Variants in ECPAS observed in about 807,000 individuals in gnomAD.
ECPAS encodes proteasome adapter and scaffold protein ECM29.
Under a neutral mutation model 255.1 loss-of-function variants are expected in ECPAS, and 70 were observed. That is an observed-to-expected ratio of 0.27 (90% CI 0.23 to 0.33). The LOEUF (loss-of-function observed/expected upper bound fraction) is 0.33. Ranked by LOEUF, ECPAS falls within the 10% of genes least tolerant of loss-of-function variation. The pLI, the probability that ECPAS is intolerant of heterozygous loss-of-function variation, is 1.00. For missense variants in ECPAS, 1,817 were observed against 2,206.4 expected (o/e 0.82, Z 3.54); for synonymous variants, 784 against 775.0 (o/e 1.01, Z -0.19).
At chr9:111,412,678 C>T (rs2098196538) in intron 20 of ECPAS, among the ~76,000 whole-genome samples, 1 of 152,036 alleles carries the variant, frequency 6.6e-6, no homozygotes, top group Non-Finnish European at 1.5e-5. Flanking sequence ...AGCATGACAA[C>T]CTCTCATCTA....
chr9:111,386,534 T>A (rs1220774390), intron 31 of ECPAS, 78 bp from the exon 32 acceptor site: 1 of 720,926 alleles, frequency 1.4e-6, no homozygotes, highest in Non-Finnish European at 2.4e-6. Flanking sequence ...ACCACACTGG[T>A]TAACCACACT....
At chr9:111,424,815 T>C (rs575627854) in intron 12 of ECPAS, among the ~76,000 whole-genome samples, 1 of 152,352 alleles carries the variant, frequency 6.6e-6, no homozygotes, top group African/African-American at 2.4e-5. Flanking sequence ...ATTCCTTTAA[T>C]TCCATTTTTG....
intron 13 of ECPAS, 57 bp from the exon 14 acceptor site, chr9:111,422,257 G>T: frequency 1.3e-6 from 2 of 1,550,808 alleles, no homozygotes; most frequent in Non-Finnish European, 1.8e-6. Context: ...GATGAAAAAG[G>T]GAAAAAATGA....
In ECPAS at chr9:111,430,570, C is replaced by G; in HGVS notation, c.907G>C (p.Asp303His). The change falls in exon 9 of 50, where the codon GAT becomes CAT. Residue 303 changes from aspartate (D) to histidine (H), a missense_variant. Asp to His is a moderately conservative substitution (Grantham distance 81). Transcript: ENST00000684092. ...INKMYKVYLG[D>H]IPLKTKEGAV... ...ACCTCTTTTGTCTTCAGTGGTATAT[C>G]TCCAAGGTACACCTTGTACATCTTA... 1 of 1,598,568 alleles carries G rather than the reference C, an allele frequency of 6.3e-7. No individual in the cohort carries two copies. The highest frequency in any genetic ancestry group is 8.5e-7 in the Non-Finnish European group (1 of 1,170,586).
chr9:111,445,949 T>C (rs1003629299), intron 3 of ECPAS, among the ~76,000 whole-genome samples: 2 of 152,174 alleles, frequency 1.3e-5, no homozygotes, highest in African/African-American at 2.4e-5. Flanking sequence ...GTCTTTGTGA[T>C]AGTTTGCTTA....
Position 111,417,956 on chromosome 9 carries a change from C to T in ECPAS, c.1610G>A (p.Gly537Asp), listed in dbSNP as rs1435759116. The part of the protein sequence containing the change: ...EAQRVLRCLP[G>D]RNRKESTSEQ... ...AGAAGTACTTTCTTTTCTGTTTCTA[C>T]CTGGAAGACACCTTAATACGCGTTG... Residue 537 changes from glycine to aspartate, a missense_variant, in exon 17 of 50, where the codon GGT (glycine) becomes GAT (aspartate). Gly to Asp is a moderately conservative substitution (Grantham distance 94, BLOSUM62 -1). Around this residue, in one of 4 missense-constraint regions of ECPAS, gnomAD observed 573 missense variants for 716.2 expected, o/e 0.80. Coordinates refer to ENST00000684092, the MANE Select transcript of ECPAS (RefSeq NM_001364929.1). 3 of 1,607,218 alleles carry T rather than the reference C, an allele frequency of 1.9e-6. No individual in the cohort carries two copies. Among genetic ancestry groups the T allele is most frequent in the African/African-American group, 2.7e-5 (2 of 74,900 alleles).
rs2131582930 is a variant in ECPAS at position 111,385,451 on chromosome 9, C to T, written c.3528-9G>A. ...CATTCAAAGCTAAACAGCTGAAAAT[C>T]AAAATTTCATTTCAATATATGATGA... On this transcript the variant is annotated splice_polypyrimidine_tract_variant and intron_variant, in intron 32 of 49. Coordinates refer to ENST00000684092, the MANE Select transcript of ECPAS (RefSeq NM_001364929.1). 2.1e-6 allele frequency: 3 copies of T among 1,436,740 alleles called. No individual in the cohort carries two copies. Among genetic ancestry groups the T allele is most frequent in the Non-Finnish European group, 2.9e-6 (3 of 1,046,460 alleles). 89.0% of individuals were successfully genotyped at this position (1,436,740 alleles called of 1,614,324 possible).
At chr9:111,401,103 T>C (rs753351559) in intron 24 of ECPAS, among the ~76,000 whole-genome samples, 5 of 152,068 alleles carry the variant, frequency 3.3e-5, no homozygotes, top group South Asian at 2.1e-4. Flanking sequence ...AAATAACATA[T>C]TCAAAGTGCT....
chr9:111,443,791 T>G (rs1441369394), intron 4 of ECPAS, among the ~76,000 whole-genome samples: 3 of 152,224 alleles, frequency 2.0e-5, no homozygotes, highest in African/African-American at 7.2e-5. Context: ...TGCTAGGAAC[T>G]ACAAGGACCA....
At chr9:111,383,577 G>T (rs2131574247) in intron 34 of ECPAS, among the ~76,000 whole-genome samples, 1 of 152,250 alleles carries the variant, frequency 6.6e-6, no homozygotes, top group Admixed American at 6.5e-5. Flanking sequence ...GTGAAATACA[G>T]AACAAAACAG....
intron 6 of ECPAS, among the ~76,000 whole-genome samples, chr9:111,437,864 T>C (rs2098240374): frequency 6.6e-6 from 1 of 152,176 alleles, no homozygotes; most frequent in South Asian, 2.1e-4. Flanking sequence ...AATGAAGTTT[T>C]TGATATAAAT....
At chr9:111,482,723 CATGTCCT>C (rs1348479375) in intron 1 of ECPAS, among the ~76,000 whole-genome samples, 6 of 152,170 alleles carry the variant, frequency 3.9e-5, no homozygotes, top group East Asian at 3.8e-4. Flanking sequence ...AATTATCTCA[CATGTCCT>C]ATGTCCTATG....
At position 111,363,728 on chromosome 9, in the gene ECPAS, T is replaced by C. The variant is rs150053292; in HGVS notation, c.5309-69A>G. ...CACAACCTCCAAGATTAAATTTGTG[T>C]TGCTGAAAGAAAGATGTCCAGAAAT... is the stretch of plus-strand genomic sequence containing the variant. On this transcript the variant is annotated intron_variant, in intron 48 of 49. Transcript: ENST00000684092. 8 of 778,022 alleles carry C rather than the reference T, an allele frequency of 1.0e-5. No individual in the cohort carries two copies. In the African/African-American group the frequency reaches 1.1e-4, roughly 11 times the overall value. 48.2% of individuals were successfully genotyped at this position (778,022 alleles called of 1,614,324 possible). A position where few individuals can be genotyped will look rare whatever the true frequency, so the allele number is the denominator to read the frequency against.
rs531212154 is a variant in ECPAS, at chr9:111,383,339, T to C, written c.3682-7A>G. On this transcript the variant is annotated splice_polypyrimidine_tract_variant and splice_region_variant and intron_variant, in intron 34 of 49. Transcript: ENST00000684092. ...CACACATTTTCACACAGACCTCACA[T>C]ACAAAGAGCATGGACGTTAGTGAAA... is the stretch of plus-strand genomic sequence containing the variant. 9.3e-6 allele frequency: 15 copies of C among 1,608,256 alleles called. No individual in the cohort carries two copies. In the South Asian group the frequency reaches 1.6e-4, roughly 17 times the overall value.
rs775527304 is a variant in ECPAS, at chr9:111,430,566, A to T, written c.911T>A (p.Ile304Lys). ...ACCTACCTCTTTTGTCTTCAGTGGTATATCTCCAAGGTACACCTTGTACAT... is the reference window on the plus strand; with the variant it reads ...ACCTACCTCTTTTGTCTTCAGTGGTTTATCTCCAAGGTACACCTTGTACAT... ...NKMYKVYLGDIPLKTKEGAVL... is the reference protein window; with the variant it reads ...NKMYKVYLGDKPLKTKEGAVL... Residue 304 changes from isoleucine (I) to lysine (K), a missense_variant, in exon 9 of 50, where the codon ATA (isoleucine) becomes AAA (lysine). Coordinates refer to ENST00000684092, the MANE Select transcript of ECPAS (RefSeq NM_001364929.1). 1.3e-6 allele frequency: 2 copies of T among 1,595,878 alleles called. No individual in the cohort carries two copies. Among genetic ancestry groups the T allele is most frequent in the Non-Finnish European group, 1.7e-6 (2 of 1,168,100 alleles).
intron 3 of ECPAS, among the ~76,000 whole-genome samples, chr9:111,447,389 G>A (rs1200883918): frequency 6.6e-6 from 1 of 152,092 alleles, no homozygotes; most frequent in African/African-American, 2.4e-5. Context: ...GAGATTACAG[G>A]CATGAGCTAC....
chr9:111,393,617 A>C, intron 27 of ECPAS, 63 bp downstream of exon 27: 1 of 1,071,158 alleles, frequency 9.3e-7, no homozygotes, highest in Non-Finnish European at 1.4e-6. Context: ...TCATTAATCC[A>C]GGTTTTTGAA....
At position 111,369,068 on chromosome 9, in the gene ECPAS, C is replaced by T; in HGVS notation, c.5080G>A (p.Gly1694Ser). The change falls in exon 46 of 50, where the codon GGC becomes AGC. Residue 1694 changes from glycine to serine, a missense_variant. Gly to Ser is a moderately conservative substitution (Grantham distance 56, BLOSUM62 0). Transcript: ENST00000684092. ...EYLLGAFESL[G>S]KAWPRNAETQ... ...TCCGCGTTTCGCGGCCAGGCTTTGC[C>T]CAGGCTTTCAAAGGCACCCAGCAGA... The T allele has an allele frequency of 1.3e-6, 2 of 1,596,576 alleles. No individual in the cohort carries two copies. Among genetic ancestry groups the T allele is most frequent in the Non-Finnish European group, 1.7e-6 (2 of 1,174,056 alleles).
intron 15 of ECPAS, among the ~76,000 whole-genome samples, chr9:111,421,409 A>ATGTGTGTGTGTGTGTG (rs71372622): frequency 7.0e-6 from 1 of 143,326 alleles, no homozygotes; most frequent in Non-Finnish European, 1.5e-5. Flanking sequence ...TATTACATAT[A>ATGTGTGTGTGTGTGTG]TGTGTGTGTG....
Sources: gnomAD v4.1 joint callset for allele counts (sites outside exome capture counted in the v4.1 genomes callset) on GRCh38, gnomAD v4.1.1 for gene constraint, gnomAD v4.1.1 regional missense constraint, MANE v1.5 for transcripts, NCBI Gene and HGNC (gene_info 2026-07-23, HGNC 2026-07-21) for gene names.